The following PDLIM7 variants were observed in gnomAD, a reference collection of about 807,000 sequenced individuals.
The protein encoded by PDLIM7 is PDZ and LIM domain protein 7.
Under a neutral mutation model 53.9 loss-of-function variants are expected in PDLIM7, and 37 were observed. The observed-to-expected ratio is 0.69, with a 90% confidence interval of 0.53 to 0.90. The LOEUF (loss-of-function observed/expected upper bound fraction) is 0.90. PDLIM7 is among the 40% of genes least tolerant of loss of function. The probability of loss-of-function intolerance (pLI) is 0.00; values close to 1 mark genes in which losing one functional copy is unlikely to be tolerated. For synonymous variants in PDLIM7, 300 were observed against 261.3 expected (o/e 1.15, Z -1.43); for missense variants, 617 against 638.5 (o/e 0.97, Z 0.36).
intron 7 of PDLIM7, chr5:177,490,289 T>G: frequency 6.9e-7 from 1 of 1,442,972 alleles, no homozygotes; most frequent in Non-Finnish European, 9.1e-7. Context: ...AGCACAGACC[T>G]GGCAGACAGC....
chr5:177,487,264 A>C (rs115521557), intron 10 of PDLIM7, among the ~76,000 whole-genome samples: 5,358 of 152,236 alleles, frequency 0.035, 315 homozygotes, highest in African/African-American at 0.12. Flanking sequence ...TGGAACCCCC[A>C]GTTTTGCTGG....
chr5:177,486,143 T>A (rs961580656), intron 10 of PDLIM7, among the ~76,000 whole-genome samples: 3 of 151,878 alleles, frequency 2.0e-5, no homozygotes, highest in African/African-American at 7.3e-5. Context: ...GGTCTTGAAC[T>A]CCTGGGCTCA....
At chr5:177,485,372 G>C (rs1758387983) in intron 10 of PDLIM7, among the ~76,000 whole-genome samples, 1 of 152,200 alleles carries the variant, frequency 6.6e-6, no homozygotes, top group African/African-American at 2.4e-5. Context: ...GGGCCAGCCA[G>C]GGCCAGCAGT....
rs1046730981 is a variant in PDLIM7, at chr5:177,486,359, C to T, written c.1050+1709G>A. ...TCCACAACACCTGTACCCCATCTTA[C>T]ATCTACCTTGCAACCGTGCCGGCCC... On this transcript the variant is annotated intron_variant, in intron 10 of 12. Coordinates refer to ENST00000355841, the MANE Select transcript of PDLIM7 (RefSeq NM_005451.5). Among the ~76,000 whole-genome samples the T allele has an allele frequency of 3.3e-5, 5 of 152,350 alleles. No individual in the cohort carries two copies. In the East Asian group the frequency reaches 9.6e-4, roughly 29 times the overall value.
chr5:177,483,530 C>G lies in PDLIM7; in HGVS notation c.*114G>C, dbSNP rs543500082. ...GGCAGGGCCCAGGGAGCCCCAGGCT[C>G]GGGCCAGGAGCCAGGGTTAAGGCAA... On this transcript the variant is annotated 3_prime_UTR_variant, in exon 13 of 13. Transcript: ENST00000355841. 113 of 732,218 alleles carry G rather than the reference C, an allele frequency of 1.5e-4. No individual in the cohort carries two copies. Among genetic ancestry groups the G allele is most frequent in the Non-Finnish European group, 2.3e-5 (10 of 441,324 alleles). The allele number at this position is 732,218 out of a possible 1,614,324, so 45.4% of individuals were successfully genotyped here. A position where few individuals can be genotyped will look rare whatever the true frequency, so the allele number is the denominator to read the frequency against.
chr5:177,489,398 G>A lies in PDLIM7; in HGVS notation c.864C>T (p.Val288=). Residue 288 remains valine (V), a synonymous_variant, in exon 9 of 13, where the codon GTC becomes GTT. Coordinates refer to ENST00000355841, the MANE Select transcript of PDLIM7 (RefSeq NM_005451.5). ...KTPVCHQCHK[V]IRGRYLVALG... ...GACAGGAACAGGCCACCCACCGGATGACCTTGTGGCACTGGTGACACACGG... is the reference window on the plus strand; with the variant it reads ...GACAGGAACAGGCCACCCACCGGATAACCTTGTGGCACTGGTGACACACGG... The A allele has an allele frequency of 6.3e-7, 1 of 1,577,284 alleles. No homozygotes were observed. Among genetic ancestry groups the A allele is most frequent in the Non-Finnish European group, 8.6e-7 (1 of 1,159,864 alleles).
In PDLIM7 at chr5:177,483,479, GT is replaced by G; in HGVS notation, c.*164del. 1.7e-6 allele frequency: 1 copy of G among 593,474 alleles called. No homozygotes were observed. Among genetic ancestry groups the G allele is most frequent in the Non-Finnish European group, 3.0e-6 (1 of 331,094 alleles). 36.8% of individuals were successfully genotyped at this position (593,474 alleles called of 1,614,324 possible). Reference sequence around the variant, plus strand: ...CCGGTGTGCTGTGGTGGTGGAGGGAGTGGGGTGGGAGGATAAGGTGGGTGGG... The same window carrying G: ...CCGGTGTGCTGTGGTGGTGGAGGGAGGGGGTGGGAGGATAAGGTGGGTGGG... On this transcript the variant is annotated 3_prime_UTR_variant, in exon 13 of 13. Transcript: ENST00000355841.
intron 2 of PDLIM7, among the ~76,000 whole-genome samples, chr5:177,493,220 G>A (rs1255264396): frequency 6.6e-6 from 1 of 152,170 alleles, no homozygotes; most frequent in African/African-American, 2.4e-5. Flanking sequence ...GGGTCTGCTG[G>A]GACCCTTTGA....
intron 2 of PDLIM7, 67 bp from the exon 3 acceptor site, chr5:177,492,744 T>A: frequency 6.5e-7 from 1 of 1,532,772 alleles, no homozygotes; most frequent in Non-Finnish European, 8.9e-7. Context: ...CTGACGGTGG[T>A]AACACTGCCC....
chr5:177,491,282 G>T, intron 5 of PDLIM7, 136 bp from the exon 6 acceptor site: 1 of 1,437,620 alleles, frequency 7.0e-7, no homozygotes, highest in East Asian at 2.4e-5. Context: ...GAGCCCTGCT[G>T]GGCGGGTAGG....
intron 5 of PDLIM7, chr5:177,491,463 G>T (rs767382503): frequency 2.7e-6 from 4 of 1,467,686 alleles, no homozygotes; most frequent in Non-Finnish European, 3.7e-6. Flanking sequence ...AGGGACAAAG[G>T]GACAGACACA....
In PDLIM7 at chr5:177,491,809, A is replaced by G. The variant is rs1758803943; in HGVS notation, c.396T>C (p.Asn132=). The G allele has an allele frequency of 1.6e-6, 2 of 1,271,622 alleles. No homozygotes were observed. The highest frequency in any genetic ancestry group is 3.1e-5 in the South Asian group (1 of 32,186). 78.8% of individuals were successfully genotyped at this position (1,271,622 alleles called of 1,614,324 possible). A position where few individuals can be genotyped will look rare whatever the true frequency, so the allele number is the denominator to read the frequency against. Residue 132 remains asparagine, a splice_region_variant and synonymous_variant, in exon 5 of 13, where the codon AAT becomes AAC. Transcript: ENST00000355841. ...PPPADSAPQQ[N]GQPLRPLVPD... is the part of the protein sequence containing the mutation. The stretch of plus-strand genomic sequence containing the variant: ...CGGGCGGGCAGGGGCCGACGTACCC[A>G]TTCTGCTGCGGGGCGCTGTCAGCGG...
intron 7 of PDLIM7, chr5:177,490,122 CT>C: frequency 6.6e-7 from 1 of 1,506,934 alleles, no homozygotes; most frequent in South Asian, 1.2e-5. Flanking sequence ...GGCAGGGCCC[CT>C]TTGCCAGGTA....
At position 177,490,662 on chromosome 5, in the gene PDLIM7, G is replaced by A. The variant is rs188984253; in HGVS notation, c.572+208C>T. 24 of 1,097,328 alleles carry A rather than the reference G, an allele frequency of 2.2e-5. No individual in the cohort carries two copies. In the East Asian group the frequency reaches 6.0e-4, roughly 27 times the overall value. 68.0% of individuals were successfully genotyped at this position (1,097,328 alleles called of 1,614,324 possible). A position where few individuals can be genotyped will look rare whatever the true frequency, so the allele number is the denominator to read the frequency against. On this transcript the variant is annotated intron_variant, in intron 7 of 12. Coordinates refer to ENST00000355841, the MANE Select transcript of PDLIM7 (RefSeq NM_005451.5). The stretch of plus-strand genomic sequence containing the variant: ...AGATGGAAGGGAGGCAGGGAGGGAG[G>A]AGGGAAGGAAGGAGGGAGGGAAGAA...
chr5:177,495,353 C>G (rs1267932360), intron 2 of PDLIM7, among the ~76,000 whole-genome samples: 2 of 152,166 alleles, frequency 1.3e-5, no homozygotes, highest in Non-Finnish European at 2.9e-5. Context: ...CCTCTGGGCC[C>G]CTCCAGGCTG....
Position 177,491,324 on chromosome 5 carries a change from G to T in PDLIM7, c.399-178C>A. 3 of 1,516,276 alleles carry T rather than the reference G, an allele frequency of 2.0e-6. No individual in the cohort carries two copies. The South Asian group carries it at 3.6e-5, about 18-fold the overall frequency. The allele number at this position is 1,516,276 out of a possible 1,614,324, so 93.9% of individuals were successfully genotyped here. On this transcript the variant is annotated intron_variant, in intron 5 of 12. Coordinates refer to ENST00000355841, the MANE Select transcript of PDLIM7 (RefSeq NM_005451.5). Reference sequence around the variant, plus strand: ...GACAGGAGGGCGAAGTGGAGAGGAGGGCAGCCAGGGTGGGGAGGGGCCGCC... The same window carrying T: ...GACAGGAGGGCGAAGTGGAGAGGAGTGCAGCCAGGGTGGGGAGGGGCCGCC...
intron 4 of PDLIM7, 147 bp downstream of exon 4, chr5:177,492,258 C>T: frequency 1.0e-6 from 1 of 999,332 alleles, no homozygotes; most frequent in Non-Finnish European, 1.5e-6. Context: ...GGCTCAACTC[C>T]AGGGCCCTAG....
chr5:177,490,639 A>G, intron 7 of PDLIM7: 1 of 1,066,172 alleles, frequency 9.4e-7, no homozygotes, highest in Non-Finnish European at 1.3e-6. Context: ...GGAAGGAGAG[A>G]TGGAAGGGAG....
intron 2 of PDLIM7, chr5:177,492,883 A>C: frequency 5.2e-6 from 3 of 581,012 alleles, no homozygotes; most frequent in Non-Finnish European, 6.1e-6. Flanking sequence ...TCCCAGTCAC[A>C]CTGCTTATTT....
Sources: gnomAD v4.1 joint callset for allele counts (sites outside exome capture counted in the v4.1 genomes callset) on GRCh38, gnomAD v4.1.1 for gene constraint, MANE v1.5 for transcripts, NCBI Gene and HGNC (gene_info 2026-07-23, HGNC 2026-07-21) for gene names.